The following GPC6 variants were observed in gnomAD, a reference collection of about 807,000 sequenced individuals.
GPC6 encodes glypican-6.
In GPC6, 14 loss-of-function variants were observed where a neutral mutation model predicts 55.2. The observed-to-expected ratio is 0.25, with a 90% CI of 0.17 to 0.40. GPC6 has a LOEUF of 0.40. Ranked by LOEUF, GPC6 falls within the 10% of genes least tolerant of loss-of-function variation. The pLI is 1.00. For synonymous variants in GPC6, 278 were observed against 259.6 expected (o/e 1.07, Z -0.68); for missense variants, 641 against 708.5 (o/e 0.90, Z 1.08).
At position 94,406,490 on chromosome 13, in the gene GPC6, G is replaced by A. The variant is rs1232821473; in HGVS notation, c.*3273G>A. ...CAATGACTTACCTAGCTAGCATCAA[G>A]TAACTTGTATCACCTGCTTTAAATG... On this transcript the variant is annotated 3_prime_UTR_variant, in exon 9 of 9. Coordinates refer to ENST00000377047, the MANE Select transcript of GPC6 (RefSeq NM_005708.5). 6.6e-6 allele frequency: 1 copy of A among 152,214 alleles called. No homozygotes were observed. Among genetic ancestry groups the A allele is most frequent in the East Asian group, 1.9e-4 (1 of 5,180 alleles). The allele number at this position is 152,214 out of a possible 1,614,324, so 9.4% of individuals were successfully genotyped here.
intron 1 of GPC6, among the ~76,000 whole-genome samples, chr13:93,427,009 T>C (rs1877156128): frequency 1.3e-5 from 2 of 150,818 alleles, no homozygotes; most frequent in African/African-American, 4.9e-5. Context: ...CATTTTTTCA[T>C]GTATTTTTTG....
intron 1 of GPC6, among the ~76,000 whole-genome samples, chr13:93,275,132 T>C (rs1877684712): frequency 6.6e-6 from 1 of 152,234 alleles, no homozygotes; most frequent in Admixed American, 6.5e-5. Flanking sequence ...GACTAACCTG[T>C]CTGCCAGCTC....
intron 1 of GPC6, among the ~76,000 whole-genome samples, chr13:93,234,631 A>G (rs1432158310): frequency 6.6e-6 from 1 of 151,962 alleles, no homozygotes; most frequent in Non-Finnish European, 1.5e-5. Context: ...CTTAGCATCT[A>G]CTATGTGACT....
At chr13:93,816,314 A>G (rs1479499126) in intron 2 of GPC6, among the ~76,000 whole-genome samples, 1 of 152,170 alleles carries the variant, frequency 6.6e-6, no homozygotes, top group Non-Finnish European at 1.5e-5. Flanking sequence ...ATTAATAATT[A>G]CCTAACCATC....
intron 1 of GPC6, among the ~76,000 whole-genome samples, chr13:93,414,900 G>A (rs1459984226): frequency 6.6e-6 from 1 of 152,076 alleles, no homozygotes; most frequent in Non-Finnish European, 1.5e-5. Flanking sequence ...AATAACAAAT[G>A]ATGACAATGA....
At chr13:93,342,941 G>T (rs527836388) in intron 1 of GPC6, among the ~76,000 whole-genome samples, 1 of 152,288 alleles carries the variant, frequency 6.6e-6, no homozygotes, top group African/African-American at 2.4e-5. Flanking sequence ...GGAAATTTGT[G>T]CTGGGAATAT....
At chr13:94,122,549 C>T (rs1477256259) in intron 4 of GPC6, among the ~76,000 whole-genome samples, 1 of 152,002 alleles carries the variant, frequency 6.6e-6, no homozygotes, top group Admixed American at 6.6e-5. Context: ...ATCTGAGACT[C>T]GTTACAGGGC....
intron 1 of GPC6, among the ~76,000 whole-genome samples, chr13:93,474,092 T>C (rs533447666): frequency 9.2e-5 from 14 of 152,218 alleles, no homozygotes; most frequent in Non-Finnish European, 1.8e-4. Context: ...CTGTCTTGTT[T>C]AAATGCTGTG....
intron 2 of GPC6, among the ~76,000 whole-genome samples, chr13:93,750,906 C>T: frequency 6.6e-6 from 1 of 152,114 alleles, no homozygotes; most frequent in East Asian, 1.9e-4. Context: ...CAGCATATGC[C>T]ACAGTGCTTT....
At chr13:94,363,057 C>G (rs1879128593) in intron 6 of GPC6, among the ~76,000 whole-genome samples, 1 of 152,102 alleles carries the variant, frequency 6.6e-6, no homozygotes, top group African/African-American at 2.4e-5. Flanking sequence ...CACCCCCCGA[C>G]AGGCCCTGGT....
At chr13:93,275,302 G>A (rs545235750) in intron 1 of GPC6, among the ~76,000 whole-genome samples, 57 of 152,210 alleles carry the variant, frequency 3.7e-4, no homozygotes, top group Middle Eastern at 3.4e-3. Flanking sequence ...ATCCTAGTAC[G>A]TGCACATGTG....
At chr13:94,178,282 C>T (rs1256813472) in intron 4 of GPC6, among the ~76,000 whole-genome samples, 2 of 152,146 alleles carry the variant, frequency 1.3e-5, no homozygotes, top group Admixed American at 1.3e-4. Context: ...CAGGCATGAG[C>T]CATCGCACCC....
chr13:94,017,788 C>A (rs1882527158), intron 3 of GPC6, among the ~76,000 whole-genome samples: 2 of 152,052 alleles, frequency 1.3e-5, no homozygotes, highest in Non-Finnish European at 2.9e-5. Context: ...AAGCAATTAT[C>A]TGTCTCAGCC....
intron 4 of GPC6, among the ~76,000 whole-genome samples, chr13:94,189,107 C>T (rs1889299284): frequency 6.6e-6 from 1 of 152,066 alleles, no homozygotes; most frequent in African/African-American, 2.4e-5. Context: ...AGACATTATC[C>T]CTGAAAAACG....
intron 1 of GPC6, among the ~76,000 whole-genome samples, chr13:93,517,091 G>C (rs1183506231): frequency 1.9e-4 from 29 of 152,066 alleles, no homozygotes; most frequent in Admixed American, 1.9e-3. Context: ...TAGACAAAGA[G>C]AGAATTACTG....
chr13:93,972,704 A>G (rs1880335707), intron 3 of GPC6, among the ~76,000 whole-genome samples: 1 of 152,134 alleles, frequency 6.6e-6, no homozygotes, highest in African/African-American at 2.4e-5. Flanking sequence ...TTTTCCTTCT[A>G]AGTTAGAGAA....
At chr13:94,160,075 A>G (rs1258195869) in intron 4 of GPC6, among the ~76,000 whole-genome samples, 1 of 152,188 alleles carries the variant, frequency 6.6e-6, no homozygotes, top group Admixed American at 6.5e-5. Context: ...CTTATAGCCA[A>G]TCATGGTCCG....
At chr13:93,253,141 C>G (rs1876842490) in intron 1 of GPC6, among the ~76,000 whole-genome samples, 1 of 152,054 alleles carries the variant, frequency 6.6e-6, no homozygotes, top group Non-Finnish European at 1.5e-5. Context: ...TTTCAAATAC[C>G]TGAAAAGATT....
chr13:94,237,392 C>T (rs1890911260), intron 4 of GPC6, among the ~76,000 whole-genome samples: 1 of 151,952 alleles, frequency 6.6e-6, no homozygotes, highest in African/African-American at 2.4e-5. Context: ...TGAGTGCCTC[C>T]TTTATGACAA....
Sources: allele counts gnomAD v4.1 joint callset (sites outside exome capture counted in the v4.1 genomes callset), GRCh38; gene constraint gnomAD v4.1.1; transcripts MANE v1.5; gene names NCBI Gene and HGNC (gene_info 2026-07-23, HGNC 2026-07-21).